GRIK2: variants seen among roughly 807,000 people sequenced by gnomAD.
GRIK2 encodes glutamate ionotropic receptor kainate type subunit 2.
GRIK2 carries 32 observed loss-of-function variants against 100.3 expected under a neutral mutation model. The observed-to-expected ratio is 0.32, with a 90% CI of 0.24 to 0.43. GRIK2 has a LOEUF of 0.43. Among genes scored for constraint, GRIK2 ranks in the 20% least tolerant of loss-of-function variants. GRIK2 has a pLI of 1.00. For missense variants in GRIK2, 843 were observed against 1,114.9 expected, an observed-to-expected ratio of 0.76 and a Z score of 3.47; for synonymous variants, 417 against 389.4, an observed-to-expected ratio of 1.07 and a Z score of -0.83.
chr6:101,681,976 C>G (rs1227182925), intron 5 of GRIK2, among the ~76,000 whole-genome samples: 1 of 152,032 alleles, frequency 6.6e-6, no homozygotes, highest in East Asian at 1.9e-4. Context: ...TTGATGAGGA[C>G]TGTAGAAGAG....
chr6:101,413,213 A>T (rs1162674691), intron 2 of GRIK2, among the ~76,000 whole-genome samples: 1 of 151,986 alleles, frequency 6.6e-6, no homozygotes, highest in Non-Finnish European at 1.5e-5. Context: ...ACAAACCCCT[A>T]TTTAAACCCC....
At chr6:101,932,602 A>G (rs368372998) in intron 14 of GRIK2, among the ~76,000 whole-genome samples, 2 of 150,210 alleles carry the variant, frequency 1.3e-5, no homozygotes, top group Middle Eastern at 6.8e-3. Context: ...TTAAACTTAC[A>G]TTATTGTTAA....
intron 2 of GRIK2, among the ~76,000 whole-genome samples, chr6:101,584,455 CTGCTT>C (rs1778255992): frequency 6.6e-6 from 1 of 151,948 alleles, no homozygotes; most frequent in Admixed American, 6.6e-5. Context: ...CTAAAAAAGT[CTGCTT>C]TGTACATCAG....
chr6:101,909,407 TGGGA>T (rs1788501725), intron 12 of GRIK2, among the ~76,000 whole-genome samples: 2 of 108,770 alleles, frequency 1.8e-5, no homozygotes, highest in Non-Finnish European at 3.6e-5. Flanking sequence ...AAAGATCATT[TGGGA>T]TTTAGGGAAA....
chr6:101,540,420 G>A (rs1462564429), intron 2 of GRIK2, among the ~76,000 whole-genome samples: 2 of 151,824 alleles, frequency 1.3e-5, no homozygotes, highest in Non-Finnish European at 2.9e-5. Flanking sequence ...GTAACACAAA[G>A]CATAAATGAT....
intron 10 of GRIK2, among the ~76,000 whole-genome samples, chr6:101,823,359 T>C (rs1038948825): frequency 4.9e-4 from 49 of 100,630 alleles, no homozygotes; most frequent in Non-Finnish European, 4.4e-4. Context: ...TTTTATATAT[T>C]TTTTTATTTT....
chr6:101,518,294 A>G (rs898756998), intron 2 of GRIK2, among the ~76,000 whole-genome samples: 2 of 152,164 alleles, frequency 1.3e-5, no homozygotes, highest in Admixed American at 1.3e-4. Context: ...GATAAAAGCA[A>G]AAAGTACTTT....
chr6:101,550,981 TCTC>T lies in GRIK2; in HGVS notation c.116-70967_116-70965del, dbSNP rs1182579679. On this transcript the variant is annotated intron_variant, in intron 2 of 16. Transcript: ENST00000369134. Reference sequence around the variant, plus strand: ...TATTTGGAGAATTTTATTGTTCTCTTCTCTGCTCCCTGCTCTGATGACCTAATG... The same window carrying T: ...TATTTGGAGAATTTTATTGTTCTCTTTGCTCCCTGCTCTGATGACCTAATG... Among the ~76,000 whole-genome samples, 44 of 152,276 alleles carry T rather than the reference TCTC, an allele frequency of 2.9e-4. 1 individual carries two copies. The highest frequency in any genetic ancestry group is 4.1e-4 in the South Asian group (2 of 4,822).
chr6:102,015,492 C>T (rs1186726024), intron 14 of GRIK2, among the ~76,000 whole-genome samples: 3 of 152,116 alleles, frequency 2.0e-5, no homozygotes, highest in Non-Finnish European at 4.4e-5. Flanking sequence ...AGAGCCCTGC[C>T]CTACTGCTAA....
In GRIK2 at chr6:101,601,120, G is replaced by GTT. The variant is rs34999814; in HGVS notation, c.116-20812_116-20811dup. The stretch of plus-strand genomic sequence containing the variant: ...GTTCCTCTGATGCCTAGTTTGTTGA[G>GTT]TTTTTTTTTTTTTTTTTTATCATGA... On this transcript the variant is annotated intron_variant, in intron 2 of 16. Transcript: ENST00000369134. Among the ~76,000 whole-genome samples, 1,032 of 140,338 alleles carry GTT rather than the reference G, an allele frequency of 7.4e-3. 2 individuals are homozygous for GTT. The highest frequency in any genetic ancestry group is 1.0e-2 in the Non-Finnish European group (635 of 63,792). 92.1% of individuals were successfully genotyped at this position (140,338 alleles called of 152,430 possible).
chr6:101,692,955 C>G (rs149807711), intron 7 of GRIK2, among the ~76,000 whole-genome samples: 1 of 152,146 alleles, frequency 6.6e-6, no homozygotes, highest in East Asian at 1.9e-4. Context: ...ATGTGAATAA[C>G]AGAATGGCAC....
At chr6:101,467,035 A>G (rs914965837) in intron 2 of GRIK2, among the ~76,000 whole-genome samples, 3 of 152,190 alleles carry the variant, frequency 2.0e-5, no homozygotes, top group Non-Finnish European at 4.4e-5. Context: ...CAAGAAAATG[A>G]AATGTCTATT....
At chr6:101,707,246 A>G (rs532886184) in intron 7 of GRIK2, among the ~76,000 whole-genome samples, 2 of 151,616 alleles carry the variant, frequency 1.3e-5, no homozygotes, top group Non-Finnish European at 2.9e-5. Context: ...AAACAAATTC[A>G]TAAATGTAAG....
chr6:101,926,603 T>C (rs957403019), intron 13 of GRIK2, among the ~76,000 whole-genome samples: 2 of 152,210 alleles, frequency 1.3e-5, no homozygotes, highest in Non-Finnish European at 2.9e-5. Context: ...CTGAAGATAA[T>C]GACAAGCAAT....
chr6:102,065,676 A>G (rs920197242), intron 16 of GRIK2: 1 of 554,612 alleles, frequency 1.8e-6, no homozygotes, highest in Non-Finnish European at 3.1e-6. Flanking sequence ...TTGGTTTTAA[A>G]TGAAGGTTTA....
intron 11 of GRIK2, 85 bp from the exon 12 acceptor site, chr6:101,889,555 C>T (rs1786894660): frequency 2.8e-6 from 2 of 725,244 alleles, no homozygotes; most frequent in Admixed American, 2.6e-5. Context: ...AATTTGATTA[C>T]TGATTTTTTC....
At chr6:101,916,821 T>TATG (rs960320145) in intron 12 of GRIK2, among the ~76,000 whole-genome samples, 9 of 151,896 alleles carry the variant, frequency 5.9e-5, no homozygotes, top group African/African-American at 2.2e-4. Flanking sequence ...TTATTCATTA[T>TATG]ATGTAACATT....
intron 11 of GRIK2, among the ~76,000 whole-genome samples, chr6:101,867,380 TA>T (rs1785117307): frequency 2.2e-3 from 3 of 1,388 alleles, no homozygotes; most frequent in Non-Finnish European, 3.5e-3. Context: ...AGGGCTAATA[TA>T]TTTTTAAACT....
chr6:101,692,638 T>C (rs1209637030), intron 7 of GRIK2, among the ~76,000 whole-genome samples: 1 of 152,086 alleles, frequency 6.6e-6, no homozygotes, highest in Non-Finnish European at 1.5e-5. Flanking sequence ...CTTGTTAAAA[T>C]TTCCTGTTTT....
Sources: gnomAD v4.1 joint callset for allele counts (sites outside exome capture counted in the v4.1 genomes callset) on GRCh38, gnomAD v4.1.1 for gene constraint, MANE v1.5 for transcripts, NCBI Gene and HGNC (gene_info 2026-07-23, HGNC 2026-07-21) for gene names.